The following SRP54 variants were observed in gnomAD, a reference collection of about 807,000 sequenced individuals.
The protein encoded by SRP54 is signal recognition particle subunit SRP54.
In SRP54, 10 loss-of-function variants were observed where a neutral mutation model predicts 64.8. That is an observed-to-expected ratio of 0.15 (90% CI 0.10 to 0.26). The LOEUF (loss-of-function observed/expected upper bound fraction) is 0.26. Ranked by LOEUF, SRP54 falls within the 10% of genes least tolerant of loss-of-function variation. The pLI, the probability that SRP54 is intolerant of heterozygous loss-of-function variation, is 1.00. For synonymous variants in SRP54, 193 were observed against 185.6 expected (o/e 1.04, Z -0.32); for missense variants, 325 against 613.7 (o/e 0.53, Z 4.97).
Position 35,028,168 on chromosome 14 carries a change from G to A in SRP54, c.1408G>A (p.Val470Ile). The A allele has an allele frequency of 1.9e-6, 3 of 1,610,820 alleles. No individual in the cohort carries two copies. Among genetic ancestry groups the A allele is most frequent in the Non-Finnish European group, 2.5e-6 (3 of 1,177,996 alleles). The change falls in exon 15 of 16, where the codon GTT becomes ATT. Residue 470 changes from valine to isoleucine, a missense_variant. Val to Ile is a conservative substitution (Grantham distance 29). Around this residue, in one of 3 missense-constraint regions of SRP54, gnomAD observed 146 missense variants for 337.4 expected, o/e 0.43. Transcript: ENST00000216774. ...AATGGCCAAAATGATGGATCCTAGGGTTCTTCATCACATGGGTAAATACCA... is the reference window on the plus strand; with the variant it reads ...AATGGCCAAAATGATGGATCCTAGGATTCTTCATCACATGGGTAAATACCA... ...QQMAKMMDPR[V>I]LHHMGGMAGL...
chr14:35,005,947 C>G (rs1256021861), intron 4 of SRP54, among the ~76,000 whole-genome samples: 1 of 152,050 alleles, frequency 6.6e-6, no homozygotes, highest in African/African-American at 2.4e-5. Flanking sequence ...TCATGCCATT[C>G]TCCTGCCTCA....
chr14:34,988,578 A>AAAAAAAAAAATATATATATAT (rs1384552218), intron 1 of SRP54, among the ~76,000 whole-genome samples: 2 of 47,102 alleles, frequency 4.2e-5, no homozygotes, highest in Non-Finnish European at 9.6e-5. Context: ...AAAAAAAAAA[A>AAAAAAAAAAATATATATATAT]ATATATATAT....
intron 1 of SRP54, among the ~76,000 whole-genome samples, chr14:34,984,180 C>A (rs1411001182): frequency 6.6e-6 from 1 of 152,196 alleles, no homozygotes; most frequent in Non-Finnish European, 1.5e-5. Flanking sequence ...AAAGCATCTT[C>A]AAGTCTTCCT....
At chr14:35,027,524 G>C (rs1415345059) in intron 14 of SRP54, among the ~76,000 whole-genome samples, 1 of 152,192 alleles carries the variant, frequency 6.6e-6, no homozygotes, top group Non-Finnish European at 1.5e-5. Flanking sequence ...CTGGGAGGCT[G>C]AGGTGAGTGG....
chr14:35,006,888 T>C (rs2044265106), intron 4 of SRP54, among the ~76,000 whole-genome samples: 2 of 152,188 alleles, frequency 1.3e-5, no homozygotes. Context: ...AAAATGTCCT[T>C]ATTTATATAA....
intron 13 of SRP54, among the ~76,000 whole-genome samples, chr14:35,021,789 C>CATTA (rs1376441886): frequency 6.6e-6 from 1 of 152,170 alleles, no homozygotes; most frequent in Non-Finnish European, 1.5e-5. Context: ...GACAGCCTTA[C>CATTA]ATTAGATAGC....
rs1027742165 is a variant in SRP54, at chr14:35,029,369, A to G, written c.*217A>G. 8.1e-5 allele frequency: 34 copies of G among 419,512 alleles called. No homozygotes were observed. Among genetic ancestry groups the G allele is most frequent in the Non-Finnish European group, 1.1e-4 (27 of 235,224 alleles). The allele number at this position is 419,512 out of a possible 1,614,324, so 26.0% of individuals were successfully genotyped here. ...GAAATACATGGTTTTTGTGGAAATC[A>G]TTATATGTTTGCTTTAGATTTTCTT... On this transcript the variant is annotated 3_prime_UTR_variant, in exon 16 of 16. Coordinates refer to ENST00000216774, the MANE Select transcript of SRP54 (RefSeq NM_003136.4).
chr14:35,027,055 A>C (rs1028584445), intron 14 of SRP54, among the ~76,000 whole-genome samples: 2 of 140,826 alleles, frequency 1.4e-5, no homozygotes, highest in South Asian at 2.3e-4. Flanking sequence ...TCTGAGACAG[A>C]GTCTTGCTCT....
chr14:35,007,067 C>T (rs1277311974), intron 4 of SRP54, among the ~76,000 whole-genome samples: 2 of 151,874 alleles, frequency 1.3e-5, no homozygotes, highest in Non-Finnish European at 2.9e-5. Context: ...GTGGCGTGTG[C>T]CTGTAGTCCC....
Position 35,013,338 on chromosome 14 carries a change from C to T in SRP54, c.637-8C>T. 1.9e-6 allele frequency: 3 copies of T among 1,611,062 alleles called. No individual in the cohort carries two copies. Among genetic ancestry groups the T allele is most frequent in the Non-Finnish European group, 2.5e-6 (3 of 1,178,976 alleles). On this transcript the variant is annotated splice_polypyrimidine_tract_variant and splice_region_variant and intron_variant, in intron 8 of 15. Coordinates refer to ENST00000216774, the MANE Select transcript of SRP54 (RefSeq NM_003136.4). ...TTCTAAAGTATCTTTTCTATTTAAA[C>T]TTTCTAGCAACCTGATAACATTGTT... is the stretch of plus-strand genomic sequence containing the variant.
intron 2 of SRP54, among the ~76,000 whole-genome samples, chr14:34,997,436 GA>G (rs2044088411): frequency 6.6e-6 from 1 of 152,120 alleles, no homozygotes; most frequent in Non-Finnish European, 1.5e-5. Flanking sequence ...ATCAACAATG[GA>G]AAAGTACTGA....
At chr14:34,999,457 G>A (rs1157966837) in intron 2 of SRP54, 101 bp from the exon 3 acceptor site, 2 of 746,452 alleles carry the variant, frequency 2.7e-6, no homozygotes, top group Non-Finnish European at 4.6e-6. Flanking sequence ...CAGTAGTGTG[G>A]TATTACTAAG....
Position 35,013,173 on chromosome 14 carries a change from G to A in SRP54, c.637-173G>A, listed in dbSNP as rs558000710. ...GGGTTTTCACCATGTTGGCCAGGCTGGTCTTGAACTATCTCAGGTGATCCA... is the reference window on the plus strand; with the variant it reads ...GGGTTTTCACCATGTTGGCCAGGCTAGTCTTGAACTATCTCAGGTGATCCA... On this transcript the variant is annotated intron_variant, in intron 8 of 15. Transcript: ENST00000216774. 5.2e-3 allele frequency among the ~76,000 whole-genome samples: 788 copies of A among 152,158 alleles called. 11 individuals carry two copies. Among genetic ancestry groups the A allele is most frequent in the African/African-American group, 0.018 (765 of 41,514 alleles).
chr14:35,002,643 G>A (rs528607934), intron 4 of SRP54, among the ~76,000 whole-genome samples: 1 of 150,028 alleles, frequency 6.7e-6, no homozygotes, highest in South Asian at 2.1e-4. Context: ...CACCATGTTG[G>A]CCAGGATGGT....
chr14:35,019,342 TA>T lies in SRP54; in HGVS notation c.1156+272del, dbSNP rs1336595538. 10 of 236,334 alleles carry T rather than the reference TA, an allele frequency of 4.2e-5. No homozygotes were observed. The East Asian group carries it at 9.5e-4, about 23-fold the overall frequency. The allele number at this position is 236,334 out of a possible 1,614,324, so 14.6% of individuals were successfully genotyped here. On this transcript the variant is annotated intron_variant, in intron 13 of 15. Coordinates refer to ENST00000216774, the MANE Select transcript of SRP54 (RefSeq NM_003136.4). The stretch of plus-strand genomic sequence containing the variant: ...CTTCATGATGTTCATAGAGTTAACT[TA>T]AAAGGAGAACTCTGAGTCAAATGTG...
chr14:35,019,207 GC>G, intron 13 of SRP54, 133 bp downstream of exon 13: 1 of 625,554 alleles, frequency 1.6e-6, no homozygotes, highest in Non-Finnish European at 2.8e-6. Context: ...ATTTGTAATA[GC>G]TTGAAAGCTC....
chr14:34,983,513 C>T (rs780115920), intron 1 of SRP54, among the ~76,000 whole-genome samples: 12 of 152,224 alleles, frequency 7.9e-5, no homozygotes, highest in Non-Finnish European at 1.6e-4. Context: ...AGCTACTTCC[C>T]CGAAAATCCT....
At chr14:34,990,217 A>C (rs1323090787) in intron 1 of SRP54, among the ~76,000 whole-genome samples, 1 of 152,196 alleles carries the variant, frequency 6.6e-6, no homozygotes, top group Non-Finnish European at 1.5e-5. Context: ...AGTGATAGTT[A>C]TCATTTCTTT....
chr14:34,994,866 C>G (rs1325746047), intron 1 of SRP54, among the ~76,000 whole-genome samples: 1 of 150,766 alleles, frequency 6.6e-6, no homozygotes, highest in Non-Finnish European at 1.5e-5. Context: ...CTCCTTGGCT[C>G]AAGCAATCCT....
Sources: allele counts gnomAD v4.1 joint callset (sites outside exome capture counted in the v4.1 genomes callset), GRCh38; gene constraint gnomAD v4.1.1; regional missense constraint gnomAD v4.1.1; transcripts MANE v1.5; gene names NCBI Gene and HGNC (gene_info 2026-07-23, HGNC 2026-07-21).